NXPE2: variants seen among roughly 807,000 people sequenced by gnomAD.
NXPE2 encodes the protein NXPE family member 2.
In NXPE2, 34 loss-of-function variants were observed where a neutral mutation model predicts 34.4. That is an observed-to-expected ratio of 0.99 (90% confidence interval 0.75 to 1.31). NXPE2 has a LOEUF of 1.31. Among genes scored for constraint, NXPE2 ranks in the 40% most tolerant of loss-of-function variants. The pLI is 0.00. For missense variants in NXPE2, 649 were observed against 672.5 expected, an observed-to-expected ratio of 0.97 and a Z score of 0.39; for synonymous variants, 235 against 231.3, an observed-to-expected ratio of 1.02 and a Z score of -0.15.
the NXPE2 span, among the ~76,000 whole-genome samples, chr11:114,713,428 A>T: frequency 5.7e-4 from 87 of 152,188 alleles, 1 homozygote; most frequent in Non-Finnish European, 1.1e-3. Flanking sequence ...ATGAAATACA[A>T]TTGTCCCTCT....
At chr11:114,594,816 A>G in the NXPE2 span, 2 of 969,396 alleles carry the variant, frequency 2.1e-6, no homozygotes, top group Non-Finnish European at 3.2e-6. Flanking sequence ...ACAACAAAAC[A>G]GAAAAGCAAA....
the NXPE2 span, among the ~76,000 whole-genome samples, chr11:114,762,315 G>A: frequency 8.5e-5 from 13 of 152,084 alleles, no homozygotes; most frequent in Non-Finnish European, 1.8e-4. Context: ...GTGTGCATGC[G>A]CAGGTTAGAA....
the NXPE2 span, among the ~76,000 whole-genome samples, chr11:114,474,978 G>A: frequency 1.3e-5 from 2 of 151,990 alleles, no homozygotes; most frequent in African/African-American, 4.8e-5. Flanking sequence ...CATGTATTTG[G>A]AAGTGAAAAA....
chr11:114,746,773 C>A, the NXPE2 span, among the ~76,000 whole-genome samples: 2 of 151,992 alleles, frequency 1.3e-5, no homozygotes, highest in South Asian at 4.2e-4. Flanking sequence ...ATCGCTTGAA[C>A]CCGGAATGTG....
chr11:114,680,963 A>G (rs574320046), intron 2 of NXPE2, among the ~76,000 whole-genome samples: 41 of 152,302 alleles, frequency 2.7e-4, no homozygotes, highest in Admixed American at 7.2e-4. Context: ...CAAAACAAGC[A>G]TACAAAATCA....
the NXPE2 span, among the ~76,000 whole-genome samples, chr11:114,586,062 T>G: frequency 8.7e-4 from 133 of 152,328 alleles, 1 homozygote; most frequent in Non-Finnish European, 1.7e-3. Flanking sequence ...CAGTTCTTTG[T>G]GTGCTATGCA....
the NXPE2 span, among the ~76,000 whole-genome samples, chr11:114,747,279 C>A: frequency 1.3e-5 from 2 of 151,128 alleles, no homozygotes; most frequent in Middle Eastern, 3.4e-3. Flanking sequence ...GGACCCAGGC[C>A]GATAGAGAAC....
chr11:114,758,929 G>C, the NXPE2 span, among the ~76,000 whole-genome samples: 1 of 149,966 alleles, frequency 6.7e-6, no homozygotes, highest in Non-Finnish European at 1.5e-5. Context: ...ATATAAAAAC[G>C]GCAATTAGTA....
chr11:114,512,899 C>G, the NXPE2 span: 2 of 248,840 alleles, frequency 8.0e-6, no homozygotes, highest in Non-Finnish European at 1.6e-5. Context: ...AACCAGAGCG[C>G]AATCAGTATT....
At chr11:114,785,029 A>T in the NXPE2 span, among the ~76,000 whole-genome samples, 1 of 152,088 alleles carries the variant, frequency 6.6e-6, no homozygotes, top group Non-Finnish European at 1.5e-5. Context: ...CCAAGGAGAG[A>T]CGTGCTGCAG....
At chr11:114,541,667 T>TG in the NXPE2 span, among the ~76,000 whole-genome samples, 3 of 151,994 alleles carry the variant, frequency 2.0e-5, no homozygotes, top group African/African-American at 4.8e-5. Flanking sequence ...CAATTTGAAG[T>TG]GGGGGGGATG....
the NXPE2 span, among the ~76,000 whole-genome samples, chr11:114,808,284 T>C: frequency 4.4e-3 from 671 of 151,580 alleles, 3 homozygotes; most frequent in African/African-American, 0.014. Flanking sequence ...ATTAAAAGAA[T>C]TAGAAAAGCA....
At chr11:114,650,464 A>C in the NXPE2 span, among the ~76,000 whole-genome samples, 1 of 152,178 alleles carries the variant, frequency 6.6e-6, no homozygotes, top group African/African-American at 2.4e-5. Context: ...GCAGGCATGA[A>C]GGAAGTAATT....
the NXPE2 span, among the ~76,000 whole-genome samples, chr11:114,486,796 A>T: frequency 2.0e-5 from 3 of 152,138 alleles, no homozygotes; most frequent in African/African-American, 7.2e-5. Flanking sequence ...GTCAAAAATG[A>T]GTTCATTGTA....
the NXPE2 span, among the ~76,000 whole-genome samples, chr11:114,579,915 AG>A: frequency 6.6e-6 from 1 of 152,180 alleles, no homozygotes; most frequent in Non-Finnish European, 1.5e-5. Flanking sequence ...CTGCAGAGAT[AG>A]GGATGTAATA....
chr11:114,806,995 G>A, the NXPE2 span, among the ~76,000 whole-genome samples: 141 of 152,182 alleles, frequency 9.3e-4, no homozygotes, highest in African/African-American at 2.6e-3. Flanking sequence ...CTGATCTCTC[G>A]CCAGAAACTC....
At chr11:114,613,918 C>G in the NXPE2 span, among the ~76,000 whole-genome samples, 1 of 152,036 alleles carries the variant, frequency 6.6e-6, no homozygotes, top group Non-Finnish European at 1.5e-5. Context: ...CCACTGTTAC[C>G]CAGTGGATAA....
chr11:114,782,172 GTATA>G, the NXPE2 span, among the ~76,000 whole-genome samples: 1 of 152,226 alleles, frequency 6.6e-6, no homozygotes, highest in Non-Finnish European at 1.5e-5. Flanking sequence ...TACAGGTTCA[GTATA>G]GACACATTTT....
the NXPE2 span, among the ~76,000 whole-genome samples, chr11:114,627,662 C>T: frequency 6.6e-6 from 1 of 151,658 alleles, no homozygotes; most frequent in Non-Finnish European, 1.5e-5. Context: ...CAAATTCACA[C>T]ATAACAATAT....
Sources: allele counts gnomAD v4.1 joint callset (sites outside exome capture counted in the v4.1 genomes callset), GRCh38; gene constraint gnomAD v4.1.1; transcripts MANE v1.5; gene names NCBI Gene and HGNC (gene_info 2026-07-23, HGNC 2026-07-21).